The following ZMYND11 variants were observed in gnomAD, a reference collection of about 807,000 sequenced individuals.
The protein encoded by ZMYND11 is zinc finger MYND domain-containing protein 11.
ZMYND11 carries 9 observed loss-of-function variants against 84.9 expected under a neutral mutation model. The ratio of observed to expected loss-of-function variants is 0.11; its 90% CI spans 0.06 to 0.18. The LOEUF (loss-of-function observed/expected upper bound fraction) is 0.18. Ranked by LOEUF, ZMYND11 falls within the 10% of genes least tolerant of loss-of-function variation. The pLI, the probability that ZMYND11 is intolerant of heterozygous loss-of-function variation, is 1.00. For synonymous variants in ZMYND11, 250 were observed against 244.1 expected (o/e 1.02, Z -0.23); for missense variants, 409 against 761.0 (o/e 0.54, Z 5.44).
chr10:240,142 T>G, intron 8 of ZMYND11, 31 bp downstream of exon 8: 1 of 1,484,094 alleles, frequency 6.7e-7, no homozygotes, highest in Non-Finnish European at 9.2e-7. Flanking sequence ...GTTATACTCT[T>G]TCTATAACTG....
intron 1 of ZMYND11, among the ~76,000 whole-genome samples, chr10:144,628 G>A (rs1838280512): frequency 7.0e-6 from 1 of 142,158 alleles, no homozygotes; most frequent in Non-Finnish European, 1.5e-5. Context: ...GGCTGGCTGA[G>A]CGTCTGAATT....
At position 198,126 on chromosome 10, in the gene ZMYND11, A is replaced by T. The variant is rs918727482; in HGVS notation, c.117-11763A>T. 1.9e-4 allele frequency: 72 copies of T among 380,472 alleles called. 1 individual carries two copies. Among genetic ancestry groups the T allele is most frequent in the African/African-American group, 1.4e-3 (69 of 48,032 alleles). 23.6% of individuals were successfully genotyped at this position (380,472 alleles called of 1,614,324 possible). A position where few individuals can be genotyped will look rare whatever the true frequency, so the allele number is the denominator to read the frequency against. On this transcript the variant is annotated intron_variant, in intron 2 of 14. Transcript: ENST00000381604. ...ATGGCCAAAATTGAGATTTTAAATT[A>T]AAAATATTTCCTTTTTATAAAATGG...
chr10:180,676 A>C (rs1013199706), intron 2 of ZMYND11, among the ~76,000 whole-genome samples: 1 of 152,248 alleles, frequency 6.6e-6, no homozygotes, highest in African/African-American at 2.4e-5. Flanking sequence ...TGGGATTTAC[A>C]GGCGTGAGCC....
chr10:213,703 T>C (rs1945677127), intron 3 of ZMYND11, among the ~76,000 whole-genome samples: 1 of 152,158 alleles, frequency 6.6e-6, no homozygotes, highest in African/African-American at 2.4e-5. Flanking sequence ...CCTGAGATAC[T>C]TTGTATCAGC....
intron 4 of ZMYND11, among the ~76,000 whole-genome samples, chr10:236,202 C>G (rs930012320): frequency 1.3e-5 from 2 of 152,196 alleles, no homozygotes; most frequent in African/African-American, 4.8e-5. Flanking sequence ...GCACACTTGT[C>G]CTTGTTTCCT....
chr10:138,781 G>A (rs1836764982), intron 1 of ZMYND11, among the ~76,000 whole-genome samples: 1 of 150,944 alleles, frequency 6.6e-6, no homozygotes, highest in Non-Finnish European at 1.5e-5. Flanking sequence ...AATAGACTTA[G>A]CCTTATGATA....
chr10:225,297 C>CAATTTTTTGTTGCCTATTTGATAAGATG (rs1490186462), intron 4 of ZMYND11, among the ~76,000 whole-genome samples: 1 of 152,098 alleles, frequency 6.6e-6, no homozygotes, highest in Non-Finnish European at 1.5e-5. Context: ...AACTATTTGT[C>CAATTTTTTGTTGCCTATTTGATAAGATG]AATTTTTTGT....
chr10:225,137 T>TA (rs1421390932), intron 4 of ZMYND11, among the ~76,000 whole-genome samples: 1 of 152,230 alleles, frequency 6.6e-6, no homozygotes, highest in African/African-American at 2.4e-5. Flanking sequence ...TATATACATT[T>TA]ATGTAATTCT....
upstream of ZMYND11, among the ~76,000 whole-genome samples, chr10:130,633 A>G (rs1835293110): frequency 6.6e-6 from 1 of 152,252 alleles, no homozygotes; most frequent in African/African-American, 2.4e-5. Context: ...ATTGGTAAAT[A>G]ACTTGTCCAA....
intron 1 of ZMYND11, among the ~76,000 whole-genome samples, chr10:155,984 A>G (rs1180024258): frequency 2.0e-5 from 3 of 152,198 alleles, no homozygotes; most frequent in Non-Finnish European, 2.9e-5. Context: ...GAAAACAACA[A>G]ATTTCAAGCA....
At chr10:217,884 G>C (rs1946464752) in intron 3 of ZMYND11, among the ~76,000 whole-genome samples, 1 of 152,154 alleles carries the variant, frequency 6.6e-6, no homozygotes, top group African/African-American at 2.4e-5. Flanking sequence ...GAGCTCCAGA[G>C]TCTTAACCAA....
At chr10:232,417 A>C (rs1412768637) in intron 4 of ZMYND11, among the ~76,000 whole-genome samples, 2 of 152,258 alleles carry the variant, frequency 1.3e-5, no homozygotes, top group African/African-American at 2.4e-5. Flanking sequence ...CAAGTTTTTC[A>C]AATGTGAAAG....
intron 1 of ZMYND11, among the ~76,000 whole-genome samples, chr10:163,814 T>C (rs1278609099): frequency 6.6e-6 from 1 of 152,144 alleles, no homozygotes; most frequent in Non-Finnish European, 1.5e-5. Flanking sequence ...ACAGTTGTCT[T>C]GGACTCAACA....
At chr10:209,408 G>T (rs371828872) in intron 2 of ZMYND11, among the ~76,000 whole-genome samples, 1 of 152,110 alleles carries the variant, frequency 6.6e-6, no homozygotes, top group Admixed American at 6.6e-5. Flanking sequence ...ACAAGCACTC[G>T]TGTAATTTCT....
At chr10:133,227 A>C (rs1835365534), upstream of ZMYND11, among the ~76,000 whole-genome samples, 1 of 152,242 alleles carries the variant, frequency 6.6e-6, no homozygotes, top group South Asian at 2.1e-4. Context: ...TTTGAAGAAA[A>C]GCAATGTTAC....
At chr10:198,557 G>T (rs918113694) in intron 2 of ZMYND11, among the ~76,000 whole-genome samples, 8 of 152,058 alleles carry the variant, frequency 5.3e-5, no homozygotes, top group Admixed American at 2.6e-4. Context: ...TGATTAAATA[G>T]AAATTATGAA....
At chr10:247,295 A>G in intron 11 of ZMYND11, 103 bp from the exon 12 acceptor site, 1 of 1,288,666 alleles carries the variant, frequency 7.8e-7, no homozygotes, top group Non-Finnish European at 1.1e-6. Flanking sequence ...TGCAAAAGGT[A>G]GAAATGTATT....
intron 4 of ZMYND11, among the ~76,000 whole-genome samples, chr10:224,888 A>G (rs1384224634): frequency 6.6e-6 from 1 of 152,166 alleles, no homozygotes; most frequent in Non-Finnish European, 1.5e-5. Flanking sequence ...ATCATGCCCC[A>G]TTTCCAACTT....
chr10:244,905 A>G (rs1951814436), intron 10 of ZMYND11, among the ~76,000 whole-genome samples: 1 of 152,262 alleles, frequency 6.6e-6, no homozygotes, highest in Non-Finnish European at 1.5e-5. Context: ...TAAATAAGGA[A>G]AATACTCTTA....
Sources: gnomAD v4.1 joint callset for allele counts (sites outside exome capture counted in the v4.1 genomes callset) on GRCh38, gnomAD v4.1.1 for gene constraint, MANE v1.5 for transcripts, NCBI Gene and HGNC (gene_info 2026-07-23, HGNC 2026-07-21) for gene names.